MYBPC2: variants seen among roughly 807,000 people sequenced by gnomAD.
MYBPC2 encodes the protein myosin binding protein C2.
Under a neutral mutation model 137.0 loss-of-function variants are expected in MYBPC2, and 122 were observed. The ratio of observed to expected loss-of-function variants is 0.89; its 90% CI spans 0.77 to 1.03. The LOEUF is 1.03. Among genes scored for constraint, MYBPC2 ranks in the 50% least tolerant of loss-of-function variants. The pLI is 0.00. For synonymous variants in MYBPC2, 626 were observed against 612.3 expected (o/e 1.02, Z -0.33); for missense variants, 1,500 against 1,534.4 (o/e 0.98, Z 0.37).
In MYBPC2 at chr19:50,443,758, G is replaced by T; in HGVS notation, c.1075G>T (p.Val359Leu). 1 of 1,613,940 alleles carries T rather than the reference G, an allele frequency of 6.2e-7. No homozygotes were observed. Among genetic ancestry groups the T allele is most frequent in the Non-Finnish European group, 8.5e-7 (1 of 1,179,872 alleles). ...VTPLEDQQVF[V>L]GDRVEMAVEV... ...ACCTCTTGAGGACCAGCAGGTGTTT[G>T]TGGGTGACCGGGTGGAAATGGCAGT... The change falls in exon 11 of 28, where the codon GTG becomes TTG. Residue 359 changes from valine to leucine, a missense_variant. Coordinates refer to ENST00000357701, the MANE Select transcript of MYBPC2 (RefSeq NM_004533.4).
At position 50,461,567 on chromosome 19, in the gene MYBPC2, A is replaced by G. The variant is rs756938204; in HGVS notation, c.2957A>G (p.Asn986Ser). The change falls in exon 25 of 28, where the codon AAC becomes AGC. Residue 986 changes from asparagine to serine, a missense_variant. Physicochemically the swap from Asn to Ser is conservative, Grantham distance 46. Transcript: ENST00000357701. ...GAGTGGTTCAACGTCTATGAACGTA[A>G]CAGGCACACTAGCTGTACTGTGTCC... The part of the protein sequence containing the change: ...TMEWFNVYER[N>S]RHTSCTVSDL... 6.2e-7 allele frequency: 1 copy of G among 1,613,718 alleles called. No individual in the cohort carries two copies. Among genetic ancestry groups the G allele is most frequent in the Non-Finnish European group, 8.5e-7 (1 of 1,179,848 alleles).
intron 14 of MYBPC2, 135 bp downstream of exon 14, chr19:50,451,070 T>G: frequency 9.8e-7 from 1 of 1,018,736 alleles, no homozygotes; most frequent in Middle Eastern, 2.5e-4. Context: ...GTCCCGCTCA[T>G]GGCTGGAGTC....
At position 50,440,870 on chromosome 19, in the gene MYBPC2, C is replaced by T; in HGVS notation, c.573-10C>T. 6.2e-7 allele frequency: 1 copy of T among 1,608,728 alleles called. No homozygotes were observed. Among genetic ancestry groups the T allele is most frequent in the Non-Finnish European group, 8.5e-7 (1 of 1,177,138 alleles). ...CCCTGATGGCCCCTGTCCGTTCCCC[C>T]ACCCGCCAGGGAGGTGGTGGAGGAG... is the stretch of plus-strand genomic sequence containing the variant. On this transcript the variant is annotated splice_polypyrimidine_tract_variant and intron_variant, in intron 7 of 27. Coordinates refer to ENST00000357701, the MANE Select transcript of MYBPC2 (RefSeq NM_004533.4).
chr19:50,441,151 C>T, intron 8 of MYBPC2, 75 bp downstream of exon 8: 1 of 1,413,498 alleles, frequency 7.1e-7, no homozygotes, highest in Non-Finnish European at 9.4e-7. Flanking sequence ...AATGATTGGA[C>T]CCTGGACCTA....
chr19:50,464,051 C>T (rs1380005502), intron 26 of MYBPC2, among the ~76,000 whole-genome samples: 4 of 151,888 alleles, frequency 2.6e-5, no homozygotes, highest in Non-Finnish European at 4.4e-5. Flanking sequence ...GCCTGTTTGG[C>T]TGGAGCAGAG....
chr19:50,451,721 G>A (rs1310164862), intron 15 of MYBPC2, 143 bp from the exon 16 acceptor site: 3 of 1,236,660 alleles, frequency 2.4e-6, no homozygotes, highest in Non-Finnish European at 3.4e-6. Flanking sequence ...TGGACTACTG[G>A]GTCTGAGGGA....
chr19:50,441,889 T>TAAAATAAAATAAAATA (rs111771283), intron 8 of MYBPC2, among the ~76,000 whole-genome samples: 5 of 147,076 alleles, frequency 3.4e-5, no homozygotes, highest in African/African-American at 1.3e-4. Flanking sequence ...TAAAATAAAA[T>TAAAATAAAATAAAATA]AAATAAATAA....
Position 50,451,856 on chromosome 19 carries a change from G to A in MYBPC2, c.1610-8G>A. The A allele has an allele frequency of 6.3e-7, 1 of 1,589,058 alleles. No individual in the cohort carries two copies. The highest frequency in any genetic ancestry group is 8.6e-7 in the Non-Finnish European group (1 of 1,167,366). On this transcript the variant is annotated splice_region_variant and splice_polypyrimidine_tract_variant and intron_variant, in intron 15 of 27. Coordinates refer to ENST00000357701, the MANE Select transcript of MYBPC2 (RefSeq NM_004533.4). Reference sequence around the variant, plus strand: ...CCCAGGGTCCCTGTATCTCTTCTGTGCCACCAGAGCCACCAAAGATCCACT... The same window carrying A: ...CCCAGGGTCCCTGTATCTCTTCTGTACCACCAGAGCCACCAAAGATCCACT...
At chr19:50,460,507 C>T (rs908879417) in intron 24 of MYBPC2, among the ~76,000 whole-genome samples, 2 of 152,158 alleles carry the variant, frequency 1.3e-5, no homozygotes, top group African/African-American at 2.4e-5. Flanking sequence ...TACCCAATAG[C>T]GCTACCCCCT....
At chr19:50,448,880 A>C (rs1277869460) in intron 13 of MYBPC2, among the ~76,000 whole-genome samples, 1 of 150,576 alleles carries the variant, frequency 6.6e-6, no homozygotes, top group East Asian at 1.9e-4. Context: ...GACTACAGGC[A>C]TGCGCCACCA....
chr19:50,464,207 G>A, intron 26 of MYBPC2, 139 bp from the exon 27 acceptor site: 2 of 717,730 alleles, frequency 2.8e-6, no homozygotes, highest in South Asian at 3.8e-5. Flanking sequence ...CTGAGGGTCA[G>A]GGAGAAGTGA....
At chr19:50,444,332 A>G (rs913170055) in intron 11 of MYBPC2, among the ~76,000 whole-genome samples, 1 of 144,754 alleles carries the variant, frequency 6.9e-6, no homozygotes, top group Admixed American at 6.9e-5. Flanking sequence ...CCATCCATCC[A>G]TCCATCCCAT....
chr19:50,449,388 G>A (rs147312011), intron 13 of MYBPC2, among the ~76,000 whole-genome samples: 232 of 152,264 alleles, frequency 1.5e-3, no homozygotes, highest in African/African-American at 5.3e-3. Flanking sequence ...TCCTCCTCCA[G>A]TGAGCTCAGC....
chr19:50,436,518 G>A, intron 4 of MYBPC2, 99 bp from the exon 5 acceptor site: 1 of 1,094,012 alleles, frequency 9.1e-7, no homozygotes, highest in Non-Finnish European at 1.4e-6. Context: ...GTGGGGTGGG[G>A]GTGAGGACGT....
At position 50,450,863 on chromosome 19, in the gene MYBPC2, G is replaced by A. The variant is rs764415750; in HGVS notation, c.1507G>A (p.Glu503Lys). ...HKLVIDDVRPEDEGDYTFVPD... is the reference protein window; with the variant it reads ...HKLVIDDVRPKDEGDYTFVPD... ...GCTGGTGATCGATGACGTCCGCCCCGAGGATGAGGGAGACTACACGTTTGT... is the reference window on the plus strand; with the variant it reads ...GCTGGTGATCGATGACGTCCGCCCCAAGGATGAGGGAGACTACACGTTTGT... The change falls in exon 14 of 28, where the codon GAG (glutamate) becomes AAG (lysine). Residue 503 changes from glutamate (E) to lysine (K), a missense_variant. Coordinates refer to ENST00000357701, the MANE Select transcript of MYBPC2 (RefSeq NM_004533.4). 1.6e-5 allele frequency: 26 copies of A among 1,578,752 alleles called. No homozygotes were observed. In the East Asian group the frequency reaches 3.0e-4, roughly 18 times the overall value.
At chr19:50,453,278 C>A (rs968590700) in intron 16 of MYBPC2, among the ~76,000 whole-genome samples, 1 of 152,046 alleles carries the variant, frequency 6.6e-6, no homozygotes, top group Non-Finnish European at 1.5e-5. Flanking sequence ...CTTGCGGAGA[C>A]GCAAACACCT....
intron 18 of MYBPC2, 126 bp downstream of exon 18, chr19:50,454,495 G>A (rs1196877559): frequency 1.6e-5 from 13 of 796,134 alleles, no homozygotes; most frequent in East Asian, 2.9e-5. Context: ...GCTCAATCTC[G>A]GCTCACTGCA....
At chr19:50,441,357 AT>A (rs2039753536) in intron 8 of MYBPC2, among the ~76,000 whole-genome samples, 1 of 152,208 alleles carries the variant, frequency 6.6e-6, no homozygotes, top group South Asian at 2.1e-4. Flanking sequence ...TTCCATGGCA[AT>A]GACCAGACCA....
intron 13 of MYBPC2, among the ~76,000 whole-genome samples, chr19:50,449,993 CA>C (rs954146718): frequency 2.6e-5 from 4 of 152,084 alleles, no homozygotes; most frequent in Non-Finnish European, 5.9e-5. Context: ...CCCATCTCTA[CA>C]AAAAATACAA....
Sources: allele counts gnomAD v4.1 joint callset (sites outside exome capture counted in the v4.1 genomes callset), GRCh38; gene constraint gnomAD v4.1.1; transcripts MANE v1.5; gene names NCBI Gene and HGNC (gene_info 2026-07-23, HGNC 2026-07-21).